Variants in THADA observed in about 807,000 individuals in gnomAD.
THADA encodes THADA armadillo repeat containing, also known as tRNA (32-2'-O)-methyltransferase regulator THADA.
In THADA, 213 loss-of-function variants were observed where a neutral mutation model predicts 219.8. The observed-to-expected ratio is 0.97, with a 90% CI of 0.87 to 1.09. The LOEUF (loss-of-function observed/expected upper bound fraction) is 1.09, where lower values mean the gene tolerates loss of function less well. THADA is among the 50% of genes least tolerant of loss of function. The probability of loss-of-function intolerance (pLI) is 0.00; values close to 1 mark genes in which losing one functional copy is unlikely to be tolerated. For synonymous variants in THADA, 1,018 were observed against 828.9 expected (o/e 1.23, Z -3.92); for missense variants, 2,956 against 2,311.3 (o/e 1.28, Z -5.72).
chr2:43,317,611 G>C lies in THADA; in HGVS notation c.4438+2835C>G, dbSNP rs1678229822. ...AATAGACTTCACTACATTAAGCACA[G>C]TTTATTTTTATCCCAAACAGTGCTT... is the stretch of plus-strand genomic sequence containing the variant. On this transcript the variant is annotated intron_variant, in intron 31 of 37. Coordinates refer to ENST00000405975, the MANE Select transcript of THADA (RefSeq NM_022065.5). 3.9e-5 allele frequency among the ~76,000 whole-genome samples: 6 copies of C among 152,174 alleles called. 1 individual carries two copies. The South Asian group carries it at 1.2e-3, about 31-fold the overall frequency.
At chr2:43,326,115 C>CT (rs1381303289) in intron 30 of THADA, among the ~76,000 whole-genome samples, 1 of 144,772 alleles carries the variant, frequency 6.9e-6, no homozygotes, top group Non-Finnish European at 1.5e-5. Context: ...TACACACAAA[C>CT]ATATGCATTA....
At chr2:43,352,550 TA>T (rs1014355924) in intron 29 of THADA, among the ~76,000 whole-genome samples, 18 of 148,132 alleles carry the variant, frequency 1.2e-4, no homozygotes, top group Non-Finnish European at 1.0e-4. Context: ...AGAGTGAGAC[TA>T]AAAAAAAAAT....
intron 7 of THADA, among the ~76,000 whole-genome samples, chr2:43,585,556 A>C (rs1285508724): frequency 6.6e-6 from 1 of 150,828 alleles, no homozygotes; most frequent in Non-Finnish European, 1.5e-5. Flanking sequence ...AGATAGATAG[A>C]TAGATAGATA....
chr2:43,595,822 C>T (rs1327910442), intron 1 of THADA, 109 bp downstream of exon 1: 1 of 152,370 alleles, frequency 6.6e-6, no homozygotes, highest in Admixed American at 6.5e-5. Context: ...CCGCCGAATC[C>T]TGGCGATACC....
chr2:43,434,783 T>C (rs1369585919), intron 26 of THADA, among the ~76,000 whole-genome samples: 1 of 152,220 alleles, frequency 6.6e-6, no homozygotes, highest in South Asian at 2.1e-4. Flanking sequence ...TCTTCCGGTA[T>C]ATCAAGGCAA....
intron 36 of THADA, among the ~76,000 whole-genome samples, chr2:43,278,579 T>C (rs1015768556): frequency 6.6e-6 from 1 of 152,226 alleles, no homozygotes. Flanking sequence ...GCATATCACT[T>C]GCAGCTCTGT....
At chr2:43,243,417 T>C (rs942097373) in intron 36 of THADA, among the ~76,000 whole-genome samples, 6 of 152,186 alleles carry the variant, frequency 3.9e-5, no homozygotes, top group Non-Finnish European at 5.9e-5. Context: ...CCCCAATTAA[T>C]GTCCACAGTG....
chr2:43,475,371 G>T (rs894159490), intron 26 of THADA, among the ~76,000 whole-genome samples: 5 of 148,132 alleles, frequency 3.4e-5, no homozygotes, highest in African/African-American at 1.3e-4. Context: ...GTGAGCCAAG[G>T]TTGTGCCAGC....
At position 43,398,182 on chromosome 2, in the gene THADA, C is replaced by T. The variant is rs139211845; in HGVS notation, c.4059-43G>A. 8 of 1,589,790 alleles carry T rather than the reference C, an allele frequency of 5.0e-6. No individual in the cohort carries two copies. In the East Asian group the frequency reaches 1.8e-4, roughly 36 times the overall value. On this transcript the variant is annotated intron_variant, in intron 28 of 37. Transcript: ENST00000405975. Reference sequence around the variant, plus strand: ...CACAAGACCATTCAATAGTCATCTCCACATCTGTGACTTTGTATATACTTA... The same window carrying T: ...CACAAGACCATTCAATAGTCATCTCTACATCTGTGACTTTGTATATACTTA...
Position 43,335,889 on chromosome 2 carries a change from G to A in THADA, c.4343+8233C>T, listed in dbSNP as rs1374517730. On this transcript the variant is annotated intron_variant, in intron 30 of 37. Coordinates refer to ENST00000405975, the MANE Select transcript of THADA (RefSeq NM_022065.5). The stretch of plus-strand genomic sequence containing the variant: ...CGAGGCAGGTGGATCATGAGGTCAG[G>A]AGATCGAGACCATCCTGGCTAACAT... Among the ~76,000 whole-genome samples, 3 of 151,886 alleles carry A rather than the reference G, an allele frequency of 2.0e-5. No individual in the cohort carries two copies. The East Asian group carries it at 5.8e-4, about 29-fold the overall frequency.
intron 29 of THADA, among the ~76,000 whole-genome samples, chr2:43,355,603 T>C (rs924214138): frequency 6.6e-6 from 1 of 152,182 alleles, no homozygotes; most frequent in Non-Finnish European, 1.5e-5. Context: ...TTCCCCTGTG[T>C]TTTCTTCTTA....
rs142886550 is a variant in THADA, at chr2:43,351,805, T to C, written c.4228-7568A>G. On this transcript the variant is annotated intron_variant, in intron 29 of 37. Coordinates refer to ENST00000405975, the MANE Select transcript of THADA (RefSeq NM_022065.5). Reference sequence around the variant, plus strand: ...CACCAAGGTGTTGGGGGAAATAGTATTGACAAGAGAGAAAGTATACATTTG... The same window carrying C: ...CACCAAGGTGTTGGGGGAAATAGTACTGACAAGAGAGAAAGTATACATTTG... Among the ~76,000 whole-genome samples the C allele has an allele frequency of 8.5e-5, 13 of 152,340 alleles. No individual in the cohort carries two copies. In the East Asian group the frequency reaches 1.7e-3, roughly 20 times the overall value.
At chr2:43,312,852 A>T (rs963852402) in intron 31 of THADA, among the ~76,000 whole-genome samples, 17 of 152,118 alleles carry the variant, frequency 1.1e-4, no homozygotes, top group Admixed American at 3.9e-4. Flanking sequence ...AACAGCACCA[A>T]CTGTGTCATA....
At chr2:43,449,051 C>CA (rs1681970602) in intron 26 of THADA, among the ~76,000 whole-genome samples, 1 of 151,460 alleles carries the variant, frequency 6.6e-6, no homozygotes. Context: ...TGAAGCTGTT[C>CA]AAAAAACTAA....
intron 26 of THADA, among the ~76,000 whole-genome samples, chr2:43,473,648 A>T (rs1685180884): frequency 6.6e-6 from 1 of 151,580 alleles, no homozygotes; most frequent in Admixed American, 6.6e-5. Flanking sequence ...TCTCACTCTC[A>T]CCCAGGCTGG....
intron 16 of THADA, among the ~76,000 whole-genome samples, chr2:43,558,213 T>A (rs1697621781): frequency 6.6e-6 from 1 of 152,220 alleles, no homozygotes; most frequent in Non-Finnish European, 1.5e-5. Flanking sequence ...ATAGTCAAGC[T>A]ATTTATGAGA....
chr2:43,314,192 C>A (rs1432543332), intron 31 of THADA, among the ~76,000 whole-genome samples: 1 of 152,116 alleles, frequency 6.6e-6, no homozygotes, highest in East Asian at 1.9e-4. Flanking sequence ...TATGGATGGA[C>A]AAATCCTTAT....
chr2:43,497,519 C>T (rs1573942471), intron 25 of THADA, among the ~76,000 whole-genome samples: 1 of 152,148 alleles, frequency 6.6e-6, no homozygotes, highest in Non-Finnish European at 1.5e-5. Context: ...GGGAACAACA[C>T]ACACCAGGGC....
At chr2:43,250,221 CA>C (rs1164822599) in intron 36 of THADA, among the ~76,000 whole-genome samples, 3 of 152,102 alleles carry the variant, frequency 2.0e-5, no homozygotes, top group Admixed American at 6.5e-5. Context: ...ATTACTCAGC[CA>C]TAAAAAGAAC....
Sources: gnomAD v4.1 joint callset for allele counts (sites outside exome capture counted in the v4.1 genomes callset) on GRCh38, gnomAD v4.1.1 for gene constraint, MANE v1.5 for transcripts, NCBI Gene and HGNC (gene_info 2026-07-23, HGNC 2026-07-21) for gene names.